The following SASH1 variants were observed in gnomAD, a reference collection of about 807,000 sequenced individuals.
The protein encoded by SASH1 is SAM and SH3 domain-containing protein 1.
SASH1 carries 44 observed loss-of-function variants against 125.2 expected under a neutral mutation model. That is an observed-to-expected ratio of 0.35 (90% CI 0.28 to 0.45). SASH1 has a LOEUF of 0.45. SASH1 is among the 20% of genes least tolerant of loss of function. The pLI, the probability that SASH1 is intolerant of heterozygous loss-of-function variation, is 1.00. For synonymous variants in SASH1, 639 were observed against 649.1 expected (o/e 0.98, Z 0.24); for missense variants, 1,426 against 1,614.5 (o/e 0.88, Z 2.00).
chr6:148,324,764 C>G (rs745808172), intron 1 of SASH1, among the ~76,000 whole-genome samples: 2 of 152,130 alleles, frequency 1.3e-5, no homozygotes, highest in Non-Finnish European at 2.9e-5. Context: ...TCCTAGTTAG[C>G]CTGAGTATGA....
At chr6:148,201,616 A>G in the SASH1 span, among the ~76,000 whole-genome samples, 1 of 152,170 alleles carries the variant, frequency 6.6e-6, no homozygotes, top group African/African-American at 2.4e-5. Context: ...CGTATCACCC[A>G]TGGAACAGCT....
intron 2 of SASH1, among the ~76,000 whole-genome samples, chr6:148,408,248 C>G (rs1226153470): frequency 1.3e-5 from 2 of 149,132 alleles, no homozygotes; most frequent in East Asian, 4.0e-4. Flanking sequence ...GCAGGGACTA[C>G]AGGTGCCCGC....
At chr6:148,334,346 T>C (rs1047598203) in intron 1 of SASH1, among the ~76,000 whole-genome samples, 3 of 136,336 alleles carry the variant, frequency 2.2e-5, no homozygotes, top group Admixed American at 1.6e-4. Flanking sequence ...GAGAATGGCG[T>C]GAACCCGGGA....
intron 1 of SASH1, among the ~76,000 whole-genome samples, chr6:148,336,955 G>C (rs1449518743): frequency 1.3e-5 from 2 of 152,162 alleles, no homozygotes; most frequent in African/African-American, 4.8e-5. Context: ...TTCGTATGTT[G>C]ACATAATGAC....
At chr6:148,387,635 T>TC (rs770000748) in intron 1 of SASH1, among the ~76,000 whole-genome samples, 2 of 50,362 alleles carry the variant, frequency 4.0e-5, no homozygotes, top group African/African-American at 7.4e-5. Context: ...TTTCTTTCTT[T>TC]CTTTCTTTCT....
intron 8 of SASH1, among the ~76,000 whole-genome samples, chr6:148,509,660 A>G (rs1780004797): frequency 6.6e-6 from 1 of 152,226 alleles, no homozygotes; most frequent in African/African-American, 2.4e-5. Flanking sequence ...TTTGTTCTGC[A>G]CACTGCAGTC....
chr6:148,448,652 C>A (rs1049874411), intron 4 of SASH1, among the ~76,000 whole-genome samples: 9 of 152,170 alleles, frequency 5.9e-5, no homozygotes, highest in Non-Finnish European at 1.2e-4. Flanking sequence ...TGAGCTCTCC[C>A]AAGGCTCTTA....
At chr6:148,213,787 T>G in the SASH1 span, among the ~76,000 whole-genome samples, 7 of 152,258 alleles carry the variant, frequency 4.6e-5, no homozygotes, top group East Asian at 1.4e-3. Flanking sequence ...TTTCATCATC[T>G]GCAATACTCA....
rs1371904663 is a variant in SASH1 at position 148,550,671 on chromosome 6, T to C, written c.*2113T>C. 6.6e-6 allele frequency: 1 copy of C among 152,256 alleles called. No homozygotes were observed. The highest frequency in any genetic ancestry group is 1.5e-5 in the Non-Finnish European group (1 of 68,050). The allele number at this position is 152,256 out of a possible 1,614,324, so 9.4% of individuals were successfully genotyped here. On this transcript the variant is annotated 3_prime_UTR_variant, in exon 20 of 20. Transcript: ENST00000367467. ...GGGTTGTGGCCTAGCCTATTTGCAA[T>C]GTAATGAAGCTGCAGGGTTCTTGTA...
At chr6:148,319,567 A>G (rs1053839034) in intron 1 of SASH1, among the ~76,000 whole-genome samples, 11 of 151,816 alleles carry the variant, frequency 7.2e-5, no homozygotes, top group African/African-American at 2.7e-4. Context: ...CCCAGGCTGG[A>G]GTGCAATGGC....
At chr6:148,422,297 A>C (rs1330971797) in intron 2 of SASH1, among the ~76,000 whole-genome samples, 2 of 152,260 alleles carry the variant, frequency 1.3e-5, no homozygotes, top group African/African-American at 4.8e-5. Flanking sequence ...CTGGATAAAC[A>C]GTACTCCACC....
At chr6:148,318,536 C>T (rs1780541602) in intron 1 of SASH1, among the ~76,000 whole-genome samples, 1 of 149,756 alleles carries the variant, frequency 6.7e-6, no homozygotes, top group Admixed American at 6.9e-5. Context: ...CTTTTGTGGG[C>T]ACATATACTA....
intron 19 of SASH1, among the ~76,000 whole-genome samples, chr6:148,547,819 A>T (rs1333119362): frequency 6.6e-6 from 1 of 152,214 alleles, no homozygotes; most frequent in Non-Finnish European, 1.5e-5. Context: ...ATTGTATTTT[A>T]AATTCTTCAT....
intron 1 of SASH1, among the ~76,000 whole-genome samples, chr6:148,369,676 G>T (rs918781796): frequency 4.6e-5 from 7 of 152,058 alleles, no homozygotes; most frequent in Admixed American, 2.6e-4. Flanking sequence ...CAACCTGGCC[G>T]GACGTGGTGA....
At chr6:148,426,164 G>A (rs531109533) in intron 2 of SASH1, among the ~76,000 whole-genome samples, 15 of 152,146 alleles carry the variant, frequency 9.9e-5, no homozygotes, top group Non-Finnish European at 1.5e-4. Context: ...AGCCGAGATC[G>A]TGCCACTGCA....
At chr6:148,284,682 T>A (rs1779436938) in intron 1 of SASH1, among the ~76,000 whole-genome samples, 1 of 152,206 alleles carries the variant, frequency 6.6e-6, no homozygotes, top group Admixed American at 6.5e-5. Context: ...TTTGAGAGCA[T>A]CTTGTTTTGA....
chr6:148,363,713 C>T (rs1181672983), intron 1 of SASH1, among the ~76,000 whole-genome samples: 4 of 151,844 alleles, frequency 2.6e-5, no homozygotes, highest in Admixed American at 6.6e-5. Flanking sequence ...TGAGGCTCTT[C>T]TTAACCTCTG....
chr6:148,282,684 G>C (rs998411926), intron 1 of SASH1, among the ~76,000 whole-genome samples: 4 of 151,934 alleles, frequency 2.6e-5, no homozygotes, highest in African/African-American at 7.3e-5. Flanking sequence ...CCAGCCTCAG[G>C]AGATCTTACG....
chr6:148,376,011 T>G (rs1782876346), intron 1 of SASH1, among the ~76,000 whole-genome samples: 1 of 151,656 alleles, frequency 6.6e-6, no homozygotes, highest in Non-Finnish European at 1.5e-5. Context: ...TTGTGAAGAG[T>G]TTTTTGGGGA....
Sources: allele counts gnomAD v4.1 joint callset (sites outside exome capture counted in the v4.1 genomes callset), GRCh38; gene constraint gnomAD v4.1.1; transcripts MANE v1.5; gene names NCBI Gene and HGNC (gene_info 2026-07-23, HGNC 2026-07-21).